The following DEAF1 variants were observed in gnomAD, a reference collection of about 807,000 sequenced individuals.
The protein encoded by DEAF1 is deformed epidermal autoregulatory factor 1 homolog.
DEAF1 carries 53 observed loss-of-function variants against 58.9 expected under a neutral mutation model. The ratio of observed to expected loss-of-function variants is 0.90; its 90% CI spans 0.72 to 1.13. The LOEUF (loss-of-function observed/expected upper bound fraction) is 1.13, where lower values mean the gene tolerates loss of function less well. Among genes scored for constraint, DEAF1 ranks in the 50% most tolerant of loss-of-function variants. The pLI is 0.00. For missense variants in DEAF1, 685 were observed against 791.4 expected (o/e 0.87, Z 1.61); for synonymous variants, 385 against 340.4 (o/e 1.13, Z -1.44).
exon 1 of DEAF1, chr11:706,694 G>A (rs1267431157): frequency 6.6e-6 from 1 of 152,302 alleles, no homozygotes; most frequent in Non-Finnish European, 1.5e-5. Flanking sequence ...CCGAGGGCCT[G>A]ACCGTGGAGG....
intron 2 of DEAF1, among the ~76,000 whole-genome samples, chr11:689,379 G>A (rs1238824939): frequency 7.4e-6 from 1 of 134,616 alleles, no homozygotes; most frequent in Non-Finnish European, 1.7e-5. Context: ...CTAATTTTTT[G>A]CATTTTTTTT....
intron 11 of DEAF1, among the ~76,000 whole-genome samples, chr11:653,619 G>A (rs1220182397): frequency 3.3e-5 from 5 of 150,676 alleles, no homozygotes; most frequent in South Asian, 2.1e-4. Context: ...TCTCTCTCAC[G>A]TGGCTCTGCA....
rs758760503 is a variant in DEAF1 at position 653,951 on chromosome 11, G to T, written c.1593+11C>A. 6 of 1,613,366 alleles carry T rather than the reference G, an allele frequency of 3.7e-6. No individual in the cohort carries two copies. On this transcript the variant is annotated intron_variant, in intron 11 of 11. Transcript: ENST00000382409. ...GGCGGGGGCACTGAGCCTGGTGTAG[G>T]TGAGACCTACCTTGCGTTGGCAGAA...
At position 694,878 on chromosome 11, in the gene DEAF1, T is replaced by A. The variant is rs1265760528; in HGVS notation, c.170A>T (p.Glu57Val). The change falls in exon 1 of 12, where the codon GAG becomes GTG. Residue 57 changes from glutamate to valine, a missense_variant. Physicochemically the swap from Glu to Val is moderately radical, Grantham distance 121. Around this residue, in one of 3 missense-constraint regions of DEAF1, gnomAD observed 210 missense variants for 177.3 expected, o/e 1.18. Coordinates refer to ENST00000382409, the MANE Select transcript of DEAF1 (RefSeq NM_021008.4). ...TGCCGTGACCCGCGGCGTCTCCCGCTCCGCCTCCGAGTCTGCGTCCTCCTC... is the reference window on the plus strand; with the variant it reads ...TGCCGTGACCCGCGGCGTCTCCCGCACCGCCTCCGAGTCTGCGTCCTCCTC... ...DSEEDADSEA[E>V]RETPRVTAVA... 6.7e-7 allele frequency: 1 copy of A among 1,496,402 alleles called. No individual in the cohort carries two copies. The highest frequency in any genetic ancestry group is 8.9e-7 in the Non-Finnish European group (1 of 1,127,182). 92.7% of individuals were successfully genotyped at this position (1,496,402 alleles called of 1,614,324 possible). A position where few individuals can be genotyped will look rare whatever the true frequency, so the allele number is the denominator to read the frequency against.
Position 684,992 on chromosome 11 carries a change from T to C in DEAF1, c.805-29A>G, listed in dbSNP as rs367715115. Reference sequence around the variant, plus strand: ...AGATGTGAAAAGAACCACCATGCATTAGCAAGTCAGCCCCTAAATGTCAAT... The same window carrying C: ...AGATGTGAAAAGAACCACCATGCATCAGCAAGTCAGCCCCTAAATGTCAAT... On this transcript the variant is annotated intron_variant, in intron 5 of 11. Transcript: ENST00000382409. The C allele has an allele frequency of 7.8e-6, 12 of 1,534,958 alleles. No individual in the cohort carries two copies. The African/African-American group carries it at 1.7e-4, about 21-fold the overall frequency.
At position 686,867 on chromosome 11, in the gene DEAF1, G is replaced by A. The variant is rs1291050056; in HGVS notation, c.795C>T (p.Cys265=). Residue 265 remains cysteine, a synonymous_variant, in exon 5 of 12, where the codon TGC becomes TGT. Coordinates refer to ENST00000382409, the MANE Select transcript of DEAF1 (RefSeq NM_021008.4). The part of the protein sequence containing the change: ...SIRYAGRPLQ[C]LIQDGILNPH... ...AGGTCACGGACGATACCTGGATGAG[G>A]CACTGCAAGGGTCGGCCCGCGTAGC... is the stretch of plus-strand genomic sequence containing the variant. 1.2e-6 allele frequency: 2 copies of A among 1,614,048 alleles called. No homozygotes were observed. Among genetic ancestry groups the A allele is most frequent in the African/African-American group, 2.7e-5 (2 of 74,942 alleles).
Position 644,581 on chromosome 11 carries a change from G to C in DEAF1, c.1667C>G (p.Ala556Gly), listed in dbSNP as rs1440292516. Residue 556 changes from alanine to glycine, a missense_variant, in exon 12 of 12, where the codon GCT becomes GGT. Ala to Gly is a moderately conservative substitution (Grantham distance 60). Transcript: ENST00000382409. This position sits in a 1 kb window ranked among gnomAD's most constrained non-coding sequence, Gnocchi z 4.3. ...VTVQADEVHV[A>G]ESVMEKVTV ...GGTCACCTTCTCCATCACGCTTTCA[G>C]CCACGTGGACTTCGTCTGCCTGGAC... 6.2e-7 allele frequency: 1 copy of C among 1,612,986 alleles called. No individual in the cohort carries two copies. Among genetic ancestry groups the C allele is most frequent in the Non-Finnish European group, 8.5e-7 (1 of 1,179,960 alleles).
At chr11:695,474 A>T (rs1238300150), upstream of DEAF1, 33 of 663,198 alleles carry the variant, frequency 5.0e-5, no homozygotes, top group Non-Finnish European at 6.6e-5. Flanking sequence ...CTCTAGGCAG[A>T]TTCTCGCCGG....
intron 10 of DEAF1, 64 bp from the exon 11 acceptor site, chr11:654,115 G>A: frequency 7.1e-7 from 1 of 1,411,874 alleles, no homozygotes; most frequent in Admixed American, 1.8e-5. Flanking sequence ...AGACACCGGG[G>A]ACAGAGGCAG....
intron 11 of DEAF1, among the ~76,000 whole-genome samples, chr11:648,174 TAATTTTTA>T (rs1341863601): frequency 1.3e-5 from 2 of 151,656 alleles, no homozygotes; most frequent in African/African-American, 2.4e-5. Flanking sequence ...CCTCTACAAT[TAATTTTTA>T]AAATTATCAC....
chr11:685,880 C>T (rs563683155), intron 5 of DEAF1, among the ~76,000 whole-genome samples: 1 of 152,090 alleles, frequency 6.6e-6, no homozygotes, highest in East Asian at 1.9e-4. Flanking sequence ...TATTGTGGCT[C>T]ACGCCTGTAA....
chr11:658,514 A>C (rs7479341), intron 10 of DEAF1, among the ~76,000 whole-genome samples: 1 of 151,776 alleles, frequency 6.6e-6, no homozygotes, highest in African/African-American at 2.4e-5. Flanking sequence ...GCGTTTCCGC[A>C]GCCAAGGACA....
At chr11:686,478 T>C (rs943328827) in intron 5 of DEAF1, among the ~76,000 whole-genome samples, 1 of 152,174 alleles carries the variant, frequency 6.6e-6, no homozygotes, top group Non-Finnish European at 1.5e-5. Flanking sequence ...CTTTTCTTAG[T>C]AGACTGACGA....
At chr11:678,865 C>T (rs771572480) in intron 8 of DEAF1, 43 bp from the exon 9 acceptor site, 11 of 1,610,464 alleles carry the variant, frequency 6.8e-6, no homozygotes, top group African/African-American at 4.0e-5. Context: ...GATGGTTGTC[C>T]GCACAGCAGA....
chr11:665,529 G>A (rs552013836), intron 10 of DEAF1, among the ~76,000 whole-genome samples: 68 of 152,344 alleles, frequency 4.5e-4, no homozygotes, highest in African/African-American at 1.5e-3. Context: ...CCTTTCTAAC[G>A]TTTTAAAAGG....
intron 11 of DEAF1, among the ~76,000 whole-genome samples, chr11:653,053 C>A (rs772985411): frequency 7.1e-6 from 1 of 140,256 alleles, no homozygotes; most frequent in African/African-American, 2.7e-5. Context: ...CACTGCACTC[C>A]AGCCTGGGTG....
At chr11:655,547 G>A (rs967058665) in intron 10 of DEAF1, among the ~76,000 whole-genome samples, 31 of 146,016 alleles carry the variant, frequency 2.1e-4, no homozygotes, top group South Asian at 4.4e-4. Flanking sequence ...CCGCAGCTGC[G>A]GGAGGGGCCG....
chr11:691,611 G>T lies in DEAF1; in HGVS notation c.290-13C>A. 1 of 1,612,264 alleles carries T rather than the reference G, an allele frequency of 6.2e-7. No homozygotes were observed. Among genetic ancestry groups the T allele is most frequent in the Non-Finnish European group, 8.5e-7 (1 of 1,179,376 alleles). ...ACTGTGGTCACCTCTGCAACAGAAG[G>T]AGCCTCATTTAACAAGCAACAAAAG... On this transcript the variant is annotated splice_polypyrimidine_tract_variant and intron_variant, in intron 1 of 11. Transcript: ENST00000382409.
chr11:683,350 T>C (rs891855758), intron 6 of DEAF1, among the ~76,000 whole-genome samples: 6 of 152,214 alleles, frequency 3.9e-5, no homozygotes, highest in Non-Finnish European at 1.5e-5. Flanking sequence ...TTCATTTTTG[T>C]ACCAAGTGTG....
Sources: allele counts gnomAD v4.1 joint callset (sites outside exome capture counted in the v4.1 genomes callset), GRCh38; gene constraint gnomAD v4.1.1; regional missense constraint gnomAD v4.1.1; non-coding constraint Gnocchi (gnomAD v3.1); transcripts MANE v1.5; gene names NCBI Gene and HGNC (gene_info 2026-07-23, HGNC 2026-07-21).